ASCC1: variants seen among roughly 807,000 people sequenced by gnomAD.
ASCC1 encodes activating signal cointegrator 1 complex subunit 1.
ASCC1 carries 35 observed loss-of-function variants against 46.6 expected under a neutral mutation model. The ratio of observed to expected loss-of-function variants is 0.75; its 90% confidence interval spans 0.57 to 0.99. ASCC1 has a LOEUF of 0.99. ASCC1 is among the 50% of genes least tolerant of loss of function. The pLI, the probability that ASCC1 is intolerant of heterozygous loss-of-function variation, is 0.00. For synonymous variants in ASCC1, 143 were observed against 146.6 expected (o/e 0.98, Z 0.18); for missense variants, 376 against 428.7 (o/e 0.88, Z 1.09).
At chr10:72,099,158 C>G (rs529734785) in intron 9 of ASCC1, among the ~76,000 whole-genome samples, 21 of 152,304 alleles carry the variant, frequency 1.4e-4, no homozygotes, top group African/African-American at 5.1e-4. Context: ...CCCATGTTTT[C>G]AAGTAGTGGG....
chr10:72,123,667 A>AG (rs1234098190), intron 9 of ASCC1, among the ~76,000 whole-genome samples: 1 of 152,132 alleles, frequency 6.6e-6, no homozygotes, highest in Non-Finnish European at 1.5e-5. Flanking sequence ...TCTGTCCTCT[A>AG]GAAAAAAAAA....
intron 9 of ASCC1, among the ~76,000 whole-genome samples, chr10:72,121,206 C>T (rs1168579062): frequency 6.6e-6 from 1 of 152,122 alleles, no homozygotes; most frequent in African/African-American, 2.4e-5. Context: ...TGCAATGGTG[C>T]AATCATAGCT....
At chr10:72,211,955 A>T (rs1046210019) in intron 2 of ASCC1, among the ~76,000 whole-genome samples, 15 of 152,300 alleles carry the variant, frequency 9.8e-5, no homozygotes, top group African/African-American at 3.1e-4. Flanking sequence ...AGGCCAAGGC[A>T]AGAGGATCAC....
chr10:72,097,567 T>C (rs1473888631), intron 9 of ASCC1, 117 bp from the exon 10 acceptor site: 1 of 678,406 alleles, frequency 1.5e-6, no homozygotes, highest in Non-Finnish European at 2.6e-6. Context: ...TCTCTCATGC[T>C]TTTTCTTTTC....
intron 9 of ASCC1, among the ~76,000 whole-genome samples, chr10:72,099,780 A>G (rs1268186772): frequency 6.6e-6 from 1 of 152,204 alleles, no homozygotes; most frequent in African/African-American, 2.4e-5. Context: ...AGATTGCATC[A>G]CTGCATTTCA....
At chr10:72,109,326 T>C (rs895715576) in intron 9 of ASCC1, among the ~76,000 whole-genome samples, 3 of 152,142 alleles carry the variant, frequency 2.0e-5, no homozygotes, top group African/African-American at 7.2e-5. Flanking sequence ...TCCATTAAAA[T>C]AGTACCAAAA....
chr10:72,195,150 T>TC (rs1232850530), intron 5 of ASCC1, among the ~76,000 whole-genome samples: 2 of 137,318 alleles, frequency 1.5e-5, no homozygotes, highest in African/African-American at 5.5e-5. Flanking sequence ...TTTTTTTTTT[T>TC]TTTTTTTTTT....
intron 5 of ASCC1, among the ~76,000 whole-genome samples, chr10:72,194,507 T>C (rs1855060240): frequency 6.6e-6 from 1 of 151,762 alleles, no homozygotes; most frequent in South Asian, 2.1e-4. Context: ...TGTTGAAAAA[T>C]TCATACATCC....
chr10:72,111,036 T>C (rs148855100), intron 9 of ASCC1, among the ~76,000 whole-genome samples: 8 of 152,338 alleles, frequency 5.3e-5, no homozygotes, highest in South Asian at 4.1e-4. Context: ...TGTAACTTTA[T>C]AGACTCTAAC....
intron 5 of ASCC1, among the ~76,000 whole-genome samples, chr10:72,189,788 G>A (rs533147470): frequency 9.4e-5 from 12 of 128,278 alleles, no homozygotes; most frequent in African/African-American, 4.3e-4. Flanking sequence ...GGCAACAAGA[G>A]CGAAACTCCA....
At chr10:72,152,736 AAAAAAG>A (rs1185315909) in intron 7 of ASCC1, 127 bp downstream of exon 7, 22 of 1,141,332 alleles carry the variant, frequency 1.9e-5, no homozygotes, top group Admixed American at 1.0e-4. Context: ...TACTATTAAA[AAAAAAG>A]AGAGAGAAAT....
chr10:72,190,109 C>T (rs772510324), intron 5 of ASCC1: 20 of 759,534 alleles, frequency 2.6e-5, no homozygotes, highest in East Asian at 4.9e-5. Flanking sequence ...CAAGACCAAG[C>T]AAGGTTACAT....
chr10:72,212,921 T>C (rs1858375756), intron 2 of ASCC1, among the ~76,000 whole-genome samples: 2 of 151,478 alleles, frequency 1.3e-5, no homozygotes, highest in South Asian at 4.2e-4. Context: ...AGAATATTAA[T>C]GGTTAATATT....
chr10:72,123,066 G>A (rs1158170041), intron 9 of ASCC1, among the ~76,000 whole-genome samples: 3 of 152,162 alleles, frequency 2.0e-5, no homozygotes, highest in Admixed American at 6.5e-5. Flanking sequence ...GGCTGGGCGC[G>A]GTGGCTAATG....
chr10:72,119,754 G>A (rs1049290852), intron 9 of ASCC1, among the ~76,000 whole-genome samples: 3 of 151,628 alleles, frequency 2.0e-5, no homozygotes, highest in African/African-American at 7.3e-5. Flanking sequence ...AATTTGAAGA[G>A]ACAGGGCAAA....
Position 72,097,070 on chromosome 10 carries a change from A to G in ASCC1, c.*264T>C. 1 of 503,014 alleles carries G rather than the reference A, an allele frequency of 2.0e-6. No individual in the cohort carries two copies. Among genetic ancestry groups the G allele is most frequent in the Non-Finnish European group, 3.9e-6 (1 of 259,034 alleles). 31.2% of individuals were successfully genotyped at this position (503,014 alleles called of 1,614,324 possible). On this transcript the variant is annotated 3_prime_UTR_variant, in exon 10 of 10. Coordinates refer to ENST00000672957, the MANE Select transcript of ASCC1 (RefSeq NM_001198800.3). The stretch of plus-strand genomic sequence containing the variant: ...GGTGAAGACAGTATGTTTTATGAGT[A>G]TTTTACGACAATTTAAAAATTAAAA...
intron 3 of ASCC1, among the ~76,000 whole-genome samples, chr10:72,203,886 G>C (rs956889832): frequency 6.6e-6 from 1 of 152,178 alleles, no homozygotes; most frequent in African/African-American, 2.4e-5. Flanking sequence ...AAAAGACTGA[G>C]GTGGGAGAAC....
rs185310887 is a variant in ASCC1 at position 72,144,442 on chromosome 10, T to C, written c.746+8427A>G. On this transcript the variant is annotated intron_variant, in intron 7 of 9. Coordinates refer to ENST00000672957, the MANE Select transcript of ASCC1 (RefSeq NM_001198800.3). ...TTTGGCTATATCTAATCCTATATTT[T>C]CTTAACTGGTGAGTTTATTCCATTA... 2.6e-5 allele frequency among the ~76,000 whole-genome samples: 4 copies of C among 152,328 alleles called. No individual in the cohort carries two copies. In the East Asian group the frequency reaches 7.7e-4, roughly 29 times the overall value.
chr10:72,198,586 C>T, intron 4 of ASCC1: 1 of 455,472 alleles, frequency 2.2e-6, no homozygotes, highest in South Asian at 1.5e-5. Flanking sequence ...TGTTCCATTG[C>T]CTGAGATTTC....
Sources: gnomAD v4.1 joint callset for allele counts (sites outside exome capture counted in the v4.1 genomes callset) on GRCh38, gnomAD v4.1.1 for gene constraint, MANE v1.5 for transcripts, NCBI Gene and HGNC (gene_info 2026-07-23, HGNC 2026-07-21) for gene names.